The following MAST2 variants were observed in gnomAD, a reference collection of about 807,000 sequenced individuals.
The protein encoded by MAST2 is microtubule-associated serine/threonine-protein kinase 2.
MAST2 carries 70 observed loss-of-function variants against 147.4 expected under a neutral mutation model. The observed-to-expected ratio is 0.47, with a 90% CI of 0.39 to 0.58. The LOEUF (loss-of-function observed/expected upper bound fraction) is 0.58. Among genes scored for constraint, MAST2 ranks in the 20% least tolerant of loss-of-function variants. The probability of loss-of-function intolerance (pLI) is 0.00; values close to 1 mark genes in which losing one functional copy is unlikely to be tolerated. For missense variants in MAST2, 2,080 were observed against 2,302.3 expected, an observed-to-expected ratio of 0.90 and a Z score of 1.98; for synonymous variants, 869 against 896.8, an observed-to-expected ratio of 0.97 and a Z score of 0.55.
chr1:45,914,523 G>C (rs1020101958), intron 4 of MAST2, among the ~76,000 whole-genome samples: 3 of 152,210 alleles, frequency 2.0e-5, no homozygotes, highest in Non-Finnish European at 4.4e-5. Context: ...AGTGAAAGAA[G>C]AGACCTAGAA....
intron 5 of MAST2, among the ~76,000 whole-genome samples, chr1:45,986,045 C>T (rs1644601219): frequency 6.6e-6 from 1 of 152,186 alleles, no homozygotes; most frequent in Non-Finnish European, 1.5e-5. Flanking sequence ...CTTGCCTATT[C>T]CACTGGGCTG....
At chr1:45,890,019 C>T (rs1373029570) in intron 4 of MAST2, among the ~76,000 whole-genome samples, 1 of 152,218 alleles carries the variant, frequency 6.6e-6, no homozygotes, top group Non-Finnish European at 1.5e-5. Context: ...GCTGGGATTA[C>T]AGGCATGAGC....
At position 46,020,314 on chromosome 1, in the gene MAST2, GT is replaced by G. The variant is rs200340998; in HGVS notation, c.1290+620del. On this transcript the variant is annotated intron_variant, in intron 11 of 28. Transcript: ENST00000361297. The stretch of plus-strand genomic sequence containing the variant: ...TCAGCAAACTGAAGGATGAGTCTAA[GT>G]TTCCCAGATCGGGAGCATGGGAAGG... 2.9e-3 allele frequency among the ~76,000 whole-genome samples: 443 copies of G among 152,254 alleles called. 3 individuals are homozygous for G. The highest frequency in any genetic ancestry group is 0.02 in the East Asian group (106 of 5,176).
intron 17 of MAST2, among the ~76,000 whole-genome samples, chr1:46,028,194 T>TA (rs968182784): frequency 1.3e-5 from 2 of 152,218 alleles, no homozygotes; most frequent in Non-Finnish European, 2.9e-5. Context: ...CATATGGATA[T>TA]AAAATCCAAA....
At chr1:45,829,251 T>C (rs1401246903) in intron 2 of MAST2, among the ~76,000 whole-genome samples, 188 bp from the exon 3 acceptor site, 1 of 152,212 alleles carries the variant, frequency 6.6e-6, no homozygotes, top group Non-Finnish European at 1.5e-5. Context: ...CTTGCCATTA[T>C]CATCACCACC....
intron 3 of MAST2, chr1:45,865,133 G>T (rs1325916392): frequency 2.2e-6 from 1 of 456,512 alleles, no homozygotes; most frequent in East Asian, 6.9e-5. Context: ...GAAGGAGAGG[G>T]TTACAGGTGA....
chr1:45,832,588 C>G (rs1644992652), intron 3 of MAST2, among the ~76,000 whole-genome samples: 1 of 152,164 alleles, frequency 6.6e-6, no homozygotes, highest in South Asian at 2.1e-4. Context: ...GCCACTGTGC[C>G]TGGCCTGTAT....
chr1:45,806,708 G>T (rs183054809), intron 1 of MAST2, among the ~76,000 whole-genome samples: 2 of 152,192 alleles, frequency 1.3e-5, no homozygotes, highest in Non-Finnish European at 2.9e-5. Context: ...CTCCCGAGTA[G>T]CTGGGATTAC....
intron 11 of MAST2, among the ~76,000 whole-genome samples, chr1:46,021,460 A>G (rs1403855614): frequency 6.6e-6 from 1 of 152,238 alleles, no homozygotes; most frequent in Non-Finnish European, 1.5e-5. Context: ...GCACTCAGTT[A>G]TTATGTGCAG....
intron 4 of MAST2, among the ~76,000 whole-genome samples, chr1:45,912,667 G>T (rs1336776711): frequency 2.0e-5 from 3 of 152,190 alleles, no homozygotes; most frequent in Non-Finnish European, 4.4e-5. Flanking sequence ...GCTGAAGCAG[G>T]GGACAAGACT....
rs150643826 is a variant in MAST2, at chr1:45,956,002, A to G, written c.501-3384A>G. Among the ~76,000 whole-genome samples the G allele has an allele frequency of 3.5e-3, 538 of 152,282 alleles. 2 individuals carry two copies. The highest frequency in any genetic ancestry group is 0.012 in the African/African-American group (507 of 41,560). ...TATAACTCTCAGAAGTTTCCTCATG[A>G]CTATCTATAATCCATTCCTTGCTTC... On this transcript the variant is annotated intron_variant, in intron 4 of 28. Coordinates refer to ENST00000361297, the MANE Select transcript of MAST2 (RefSeq NM_015112.3).
At chr1:45,899,313 T>TTTA (rs1649338982) in intron 4 of MAST2, among the ~76,000 whole-genome samples, 1 of 147,712 alleles carries the variant, frequency 6.8e-6, no homozygotes, top group Non-Finnish European at 1.5e-5. Context: ...TTTTCTTTTT[T>TTTA]TTTTTTTTTT....
chr1:46,033,978 A>AT, intron 27 of MAST2, 40 bp downstream of exon 27: 1 of 1,611,848 alleles, frequency 6.2e-7, no homozygotes, highest in Non-Finnish European at 8.5e-7. Flanking sequence ...TCTGAGCCAC[A>AT]TGAGTGCTGG....
chr1:45,980,275 C>CAAAAAAA (rs35235290), intron 5 of MAST2, among the ~76,000 whole-genome samples: 6 of 84,058 alleles, frequency 7.1e-5, no homozygotes, highest in African/African-American at 2.0e-4. Context: ...ACTGTGTTTC[C>CAAAAAAA]AAAAAAAAAA....
chr1:46,024,313 A>G, intron 15 of MAST2: 1 of 320,358 alleles, frequency 3.1e-6, no homozygotes, highest in East Asian at 6.9e-5. Flanking sequence ...ATTAGGTGCT[A>G]GGAGGTTTGC....
intron 4 of MAST2, among the ~76,000 whole-genome samples, chr1:45,957,102 A>G (rs1305805170): frequency 6.6e-6 from 1 of 152,178 alleles, no homozygotes; most frequent in African/African-American, 2.4e-5. Flanking sequence ...ATATCCAGGG[A>G]CAAATTTTTT....
At chr1:45,949,299 G>GA (rs1557950774) in intron 4 of MAST2, among the ~76,000 whole-genome samples, 2 of 152,132 alleles carry the variant, frequency 1.3e-5, no homozygotes, top group Non-Finnish European at 2.9e-5. Context: ...TACAGAATAG[G>GA]AAAAAATATT....
chr1:45,964,143 T>C (rs908765129), intron 5 of MAST2, among the ~76,000 whole-genome samples: 5 of 152,252 alleles, frequency 3.3e-5, no homozygotes, highest in African/African-American at 1.2e-4. Flanking sequence ...GATTTTTGCA[T>C]TGATGTTTAT....
In MAST2 at chr1:45,975,495, C is replaced by CAAAAAAAAAAA. The variant is rs60802520; in HGVS notation, c.592+16034_592+16044dup. ...GCAATATAGTGAGTCCCTGTCTCTCCAAAAAAAAAAAAAAAAAAAAAAAAA... is the reference window on the plus strand; with the variant it reads ...GCAATATAGTGAGTCCCTGTCTCTCCAAAAAAAAAAAAAAAAAAAAAAAAAAAAAAAAAAAA... On this transcript the variant is annotated intron_variant, in intron 5 of 28. Coordinates refer to ENST00000361297, the MANE Select transcript of MAST2 (RefSeq NM_015112.3). Among the ~76,000 whole-genome samples, 20 of 40,438 alleles carry CAAAAAAAAAAA rather than the reference C, an allele frequency of 4.9e-4. 9 individuals are homozygous for CAAAAAAAAAAA. Among genetic ancestry groups the CAAAAAAAAAAA allele is most frequent in the African/African-American group, 9.8e-4 (10 of 10,240 alleles). The allele number at this position is 40,438 out of a possible 152,430, so 26.5% of individuals were successfully genotyped here.
Sources: gnomAD v4.1 joint callset for allele counts (sites outside exome capture counted in the v4.1 genomes callset) on GRCh38, gnomAD v4.1.1 for gene constraint, MANE v1.5 for transcripts, NCBI Gene and HGNC (gene_info 2026-07-23, HGNC 2026-07-21) for gene names.